HS6ST2: variants seen among roughly 807,000 people sequenced by gnomAD.
HS6ST2 encodes heparan-sulfate 6-O-sulfotransferase 2.
Under a neutral mutation model 33.0 loss-of-function variants are expected in HS6ST2, and 17 were observed. The ratio of observed to expected loss-of-function variants is 0.52; its 90% confidence interval spans 0.35 to 0.77. HS6ST2 has a LOEUF of 0.77. Among genes scored for constraint, HS6ST2 ranks in the 30% least tolerant of loss-of-function variants. The pLI is 0.01. For missense variants in HS6ST2, 519 were observed against 551.7 expected (o/e 0.94, Z 0.59); for synonymous variants, 248 against 237.1 (o/e 1.05, Z -0.42).
At chrX:132,825,267 C>G (rs902139088) in intron 2 of HS6ST2, among the ~76,000 whole-genome samples, 2 of 111,539 alleles carry the variant, frequency 1.8e-5, no homozygotes, top group African/African-American at 3.3e-5. Context: ...AGGAGGAAAC[C>G]AACTAGTGGA....
intron 2 of HS6ST2, among the ~76,000 whole-genome samples, chrX:132,780,044 C>A (rs1390487979): frequency 9.0e-6 from 1 of 110,999 alleles, no homozygotes; most frequent in Non-Finnish European, 1.9e-5. Context: ...ATGAAGCTGC[C>A]CTTACGGGGG....
intron 3 of HS6ST2, among the ~76,000 whole-genome samples, chrX:132,704,172 T>C (rs1338643861): frequency 8.9e-6 from 1 of 112,629 alleles, no homozygotes; most frequent in Non-Finnish European, 1.9e-5. Flanking sequence ...CTGCTCATCA[T>C]TCAAGTTCAG....
chrX:132,714,557 T>C (rs930814274), intron 2 of HS6ST2, among the ~76,000 whole-genome samples: 1 of 111,110 alleles, frequency 9.0e-6, no homozygotes, highest in Non-Finnish European at 1.9e-5. Context: ...GACCTCAAGT[T>C]ATCCACCTGC....
intron 3 of HS6ST2, among the ~76,000 whole-genome samples, chrX:132,675,344 C>T: frequency 9.0e-6 from 1 of 111,412 alleles, no homozygotes; most frequent in Non-Finnish European, 1.9e-5. Context: ...GCATCCTATG[C>T]CAGAATCTGT....
chrX:132,658,318 G>A (rs1019765008), intron 4 of HS6ST2, among the ~76,000 whole-genome samples: 2 of 111,748 alleles, frequency 1.8e-5, no homozygotes, highest in South Asian at 3.8e-4. Context: ...AAAGCACTCC[G>A]AACAGGGCCT....
chrX:132,828,640 A>G (rs762465082), intron 2 of HS6ST2, among the ~76,000 whole-genome samples: 6 of 99,080 alleles, frequency 6.1e-5, no homozygotes, highest in African/African-American at 2.2e-4. Flanking sequence ...CCAACTAGGC[A>G]CTAGAAAACT....
chrX:132,926,126 C>A (rs1252927389), intron 2 of HS6ST2, among the ~76,000 whole-genome samples: 3 of 112,592 alleles, frequency 2.7e-5, no homozygotes, highest in Non-Finnish European at 3.7e-5. Context: ...ATTTTTTACT[C>A]TAAAATTGTC....
chrX:132,840,823 C>T (rs1277350600), intron 2 of HS6ST2, among the ~76,000 whole-genome samples: 1 of 111,849 alleles, frequency 8.9e-6, no homozygotes, highest in East Asian at 2.8e-4. Flanking sequence ...ATGATAAAAG[C>T]GGTTATGTTG....
chrX:132,869,984 T>C (rs1489735387), intron 2 of HS6ST2, among the ~76,000 whole-genome samples: 1 of 111,529 alleles, frequency 9.0e-6, no homozygotes, highest in African/African-American at 3.3e-5. Flanking sequence ...ATTGTCTCTG[T>C]TTGCAGATGA....
At chrX:132,773,271 C>T (rs778867703) in intron 2 of HS6ST2, among the ~76,000 whole-genome samples, 15 of 102,560 alleles carry the variant, frequency 1.5e-4, no homozygotes, top group Admixed American at 3.4e-4. Context: ...ATCCAAAAGT[C>T]AACATTAACT....
chrX:132,701,029 C>T (rs1331099904), intron 3 of HS6ST2, among the ~76,000 whole-genome samples: 1 of 111,652 alleles, frequency 9.0e-6, no homozygotes, highest in East Asian at 2.8e-4. Flanking sequence ...TGGCAACAAA[C>T]GTAGCGCTAA....
chrX:132,793,137 C>T (rs1187387317), intron 2 of HS6ST2, among the ~76,000 whole-genome samples: 2 of 99,805 alleles, frequency 2.0e-5, no homozygotes, highest in Non-Finnish European at 4.0e-5. Context: ...CTCAGCTCAC[C>T]ACAACCTCCG....
intron 2 of HS6ST2, among the ~76,000 whole-genome samples, chrX:132,885,347 T>C (rs1231461693): frequency 9.0e-6 from 1 of 111,596 alleles, no homozygotes; most frequent in African/African-American, 3.3e-5. Context: ...ATACTAACAG[T>C]CACACAGAGC....
chrX:132,855,659 C>A, intron 2 of HS6ST2, among the ~76,000 whole-genome samples: 1 of 111,700 alleles, frequency 9.0e-6, no homozygotes, highest in African/African-American at 3.2e-5. Context: ...CAGTTCCCAG[C>A]CACCCACCAA....
intron 2 of HS6ST2, among the ~76,000 whole-genome samples, chrX:132,828,890 T>C (rs2065557599): frequency 9.8e-6 from 1 of 101,594 alleles, no homozygotes; most frequent in Non-Finnish European, 1.9e-5. Context: ...AATATGTAGC[T>C]ATATATATGC....
At chrX:132,715,346 G>C (rs996516742) in intron 2 of HS6ST2, among the ~76,000 whole-genome samples, 2 of 112,078 alleles carry the variant, frequency 1.8e-5, no homozygotes, top group African/African-American at 6.5e-5. Context: ...GAGGCAGGAG[G>C]AGCGGCTTGA....
At chrX:132,923,129 G>A (rs192121539) in intron 2 of HS6ST2, among the ~76,000 whole-genome samples, 2 of 109,718 alleles carry the variant, frequency 1.8e-5, no homozygotes, top group Non-Finnish European at 3.8e-5. Flanking sequence ...AAAGGCCTAG[G>A]ATCAATAGAA....
At chrX:132,724,335 A>G (rs944054828) in intron 2 of HS6ST2, among the ~76,000 whole-genome samples, 1 of 112,246 alleles carries the variant, frequency 8.9e-6, no homozygotes. Flanking sequence ...TCAACATACA[A>G]AAATCAGTAG....
At chrX:132,703,769 A>G (rs140318255) in intron 3 of HS6ST2, among the ~76,000 whole-genome samples, 1,390 of 112,371 alleles carry the variant, frequency 0.012, 15 homozygotes, top group African/African-American at 0.042. Flanking sequence ...TCAATTTCTA[A>G]TTCAGATTTA....
Sources: gnomAD v4.1 joint callset for allele counts (sites outside exome capture counted in the v4.1 genomes callset) on GRCh38, gnomAD v4.1.1 for gene constraint, MANE v1.5 for transcripts, NCBI Gene and HGNC (gene_info 2026-07-23, HGNC 2026-07-21) for gene names.